The following ADCY2 variants were observed in gnomAD, a reference collection of about 807,000 sequenced individuals.
ADCY2 encodes the protein adenylate cyclase type 2.
ADCY2 carries 31 observed loss-of-function variants against 125.2 expected under a neutral mutation model. The ratio of observed to expected loss-of-function variants is 0.25; its 90% confidence interval spans 0.19 to 0.33. The LOEUF (loss-of-function observed/expected upper bound fraction) is 0.33. Among genes scored for constraint, ADCY2 ranks in the 10% least tolerant of loss-of-function variants. ADCY2 has a pLI of 1.00. For missense variants in ADCY2, 904 were observed against 1,418.2 expected, an observed-to-expected ratio of 0.64 and a Z score of 5.82; for synonymous variants, 512 against 548.4, an observed-to-expected ratio of 0.93 and a Z score of 0.93.
intron 7 of ADCY2, 51 bp downstream of exon 7, chr5:7,698,425 T>A (rs761668724): frequency 1.2e-6 from 2 of 1,601,114 alleles, no homozygotes; most frequent in African/African-American, 2.7e-5. Flanking sequence ...AGTTCTGGGG[T>A]ACATGTGCAC....
intron 1 of ADCY2, among the ~76,000 whole-genome samples, chr5:7,411,575 G>A (rs987310514): frequency 3.3e-5 from 5 of 151,976 alleles, no homozygotes; most frequent in Admixed American, 6.5e-5. Flanking sequence ...AGGGCTGTAG[G>A]ACCCAGACAC....
intron 3 of ADCY2, among the ~76,000 whole-genome samples, chr5:7,594,065 G>T (rs569062886): frequency 6.6e-6 from 1 of 152,144 alleles, no homozygotes; most frequent in South Asian, 2.1e-4. Context: ...TGTTAAAGGC[G>T]CTGACTTTTG....
intron 3 of ADCY2, among the ~76,000 whole-genome samples, chr5:7,548,947 G>A (rs748090526): frequency 2.6e-5 from 4 of 152,162 alleles, no homozygotes; most frequent in African/African-American, 7.2e-5. Context: ...GAAACCCCAG[G>A]GCTGAGTCGT....
At chr5:7,520,682 GC>G in intron 2 of ADCY2, 55 bp from the exon 3 acceptor site, 1 of 1,593,422 alleles carries the variant, frequency 6.3e-7, no homozygotes, top group Non-Finnish European at 8.6e-7. Flanking sequence ...GAAACAGGAG[GC>G]TCTTAGAAAC....
chr5:7,752,121 C>G (rs1370710744), intron 15 of ADCY2, among the ~76,000 whole-genome samples: 1 of 152,008 alleles, frequency 6.6e-6, no homozygotes, highest in Non-Finnish European at 1.5e-5. Context: ...TGTGGCTCAC[C>G]CAGGGCGAAA....
intron 18 of ADCY2, among the ~76,000 whole-genome samples, chr5:7,779,452 A>G (rs1774760187): frequency 6.6e-6 from 1 of 152,158 alleles, no homozygotes; most frequent in Non-Finnish European, 1.5e-5. Flanking sequence ...ACCACATCAG[A>G]TCGCTCTGAG....
intron 13 of ADCY2, among the ~76,000 whole-genome samples, chr5:7,726,668 T>G (rs1206425657): frequency 6.6e-6 from 1 of 152,230 alleles, no homozygotes; most frequent in African/African-American, 2.4e-5. Flanking sequence ...TTCAGTCTTA[T>G]AACTTTACCC....
chr5:7,431,531 A>T (rs1196266256), intron 2 of ADCY2, among the ~76,000 whole-genome samples: 1 of 6,776 alleles, frequency 1.5e-4, no homozygotes, highest in African/African-American at 1.8e-3. Context: ...GGAACTATTA[A>T]AAAAAAAAAC....
intron 2 of ADCY2, among the ~76,000 whole-genome samples, chr5:7,435,277 G>GA (rs1240135335): frequency 6.6e-6 from 1 of 152,204 alleles, no homozygotes; most frequent in African/African-American, 2.4e-5. Context: ...GGAAGAGAAT[G>GA]AATATTTTTG....
At chr5:7,443,464 C>T (rs1741088362) in intron 2 of ADCY2, among the ~76,000 whole-genome samples, 1 of 151,264 alleles carries the variant, frequency 6.6e-6, no homozygotes, top group South Asian at 2.1e-4. Context: ...CATGGTGAAA[C>T]CCCGTCTCTA....
rs539837709 is a variant in ADCY2, at chr5:7,642,832, G to T, written c.720+16516G>T. On this transcript the variant is annotated intron_variant, in intron 4 of 24. Transcript: ENST00000338316. ...TCTTAAAGAAAGAAATTCCAACAAA[G>T]AATTTCATATCTCACCAAACTAAGT... Among the ~76,000 whole-genome samples, 8 of 152,074 alleles carry T rather than the reference G, an allele frequency of 5.3e-5. No homozygotes were observed. The South Asian group carries it at 1.5e-3, about 28-fold the overall frequency.
intron 2 of ADCY2, among the ~76,000 whole-genome samples, chr5:7,462,280 C>T (rs1407350536): frequency 6.6e-6 from 1 of 152,202 alleles, no homozygotes; most frequent in Non-Finnish European, 1.5e-5. Flanking sequence ...AGTCATCAAT[C>T]TCTCAGACTA....
Position 7,709,251 on chromosome 5 carries a change from A to G in ADCY2, c.1442A>G (p.His481Arg), listed in dbSNP as rs781039756. 1 of 1,613,698 alleles carries G rather than the reference A, an allele frequency of 6.2e-7. No homozygotes were observed. The highest frequency in any genetic ancestry group is 2.2e-5 in the East Asian group (1 of 44,856). Residue 481 changes from histidine to arginine, a missense_variant, in exon 10 of 25, where the codon CAC becomes CGC. Transcript: ENST00000338316. The surrounding 1 kb of genome is among the most constrained non-coding windows in gnomAD (Gnocchi z 4.4). ...CCCCAGCATCTCTTCAGACCTCGCC[A>G]CACCCTTGATGGAGCCAAAATGAGG... ...RSPQHLFRPR[H>R]TLDGAKMRAS...
intron 17 of ADCY2, among the ~76,000 whole-genome samples, chr5:7,767,650 A>G (rs149169083): frequency 2.6e-4 from 40 of 152,048 alleles, no homozygotes; most frequent in African/African-American, 8.7e-4. Context: ...TCCTTCTCTG[A>G]TTTGCTTCCT....
At chr5:7,512,082 G>A (rs956177810) in intron 2 of ADCY2, among the ~76,000 whole-genome samples, 6 of 151,588 alleles carry the variant, frequency 4.0e-5, no homozygotes, top group Non-Finnish European at 5.9e-5. Context: ...TTAGCCAGGC[G>A]TGGTGGTGCA....
intron 3 of ADCY2, among the ~76,000 whole-genome samples, chr5:7,545,069 C>A (rs1735108161): frequency 6.6e-6 from 1 of 152,138 alleles, no homozygotes; most frequent in Admixed American, 6.5e-5. Context: ...GAGCCGTAGT[C>A]TGTGGAGCCT....
At chr5:7,590,148 T>C (rs542336085) in intron 3 of ADCY2, among the ~76,000 whole-genome samples, 34 of 152,216 alleles carry the variant, frequency 2.2e-4, no homozygotes, top group African/African-American at 7.9e-4. Context: ...AATGAGTCAC[T>C]TGGGGAGTCA....
intron 23 of ADCY2, among the ~76,000 whole-genome samples, chr5:7,820,332 A>G (rs763443086): frequency 1.3e-5 from 2 of 152,002 alleles, no homozygotes; most frequent in Non-Finnish European, 2.9e-5. Flanking sequence ...GTCTCTACCA[A>G]AAATACAAAA....
chr5:7,826,316 A>G (rs771103642), intron 24 of ADCY2, among the ~76,000 whole-genome samples: 9 of 151,990 alleles, frequency 5.9e-5, no homozygotes, highest in Non-Finnish European at 2.9e-5. Context: ...CCACCACTCC[A>G]ATCTATTTTG....
Sources: allele counts gnomAD v4.1 joint callset (sites outside exome capture counted in the v4.1 genomes callset), GRCh38; gene constraint gnomAD v4.1.1; non-coding constraint Gnocchi (gnomAD v3.1); transcripts MANE v1.5; gene names NCBI Gene and HGNC (gene_info 2026-07-23, HGNC 2026-07-21).